The following TFPI variants were observed in gnomAD, a reference collection of about 807,000 sequenced individuals.
TFPI encodes the protein anti-convertin.
A neutral mutation model predicts 34.6 loss-of-function variants in TFPI; 15 were observed. That is an observed-to-expected ratio of 0.43 (90% CI 0.29 to 0.67). The LOEUF is 0.67. Among genes scored for constraint, TFPI ranks in the 30% least tolerant of loss-of-function variants. The pLI is 0.15. For missense variants in TFPI, 301 were observed against 364.0 expected (o/e 0.83, Z 1.41); for synonymous variants, 105 against 120.1 (o/e 0.87, Z 0.82).
intron 1 of TFPI, chr2:187,518,380 A>C (rs1168661778): frequency 6.6e-6 from 1 of 152,166 alleles, no homozygotes; most frequent in Non-Finnish European, 1.5e-5. Context: ...AAAATATTTT[A>C]TTTCTCTTTC....
At position 187,464,351 on chromosome 2, in the gene TFPI, G is replaced by A. The variant is rs925885229; in HGVS notation, c.*2585C>T. 1.3e-5 allele frequency: 2 copies of A among 152,170 alleles called. No individual in the cohort carries two copies. The highest frequency in any genetic ancestry group is 4.8e-5 in the African/African-American group (2 of 41,438). 9.4% of individuals were successfully genotyped at this position (152,170 alleles called of 1,614,324 possible). On this transcript the variant is annotated 3_prime_UTR_variant, in exon 8 of 8. Transcript: ENST00000233156. ...GAATGAACAAAGCAGGTAAATATAT[G>A]TATATGCTGAATAATGTAATTCCAT...
At position 187,466,744 on chromosome 2, in the gene TFPI, G is replaced by A. The variant is rs1353629737; in HGVS notation, c.*192C>T. On this transcript the variant is annotated 3_prime_UTR_variant, in exon 8 of 8. Transcript: ENST00000233156. Reference sequence around the variant, plus strand: ...CCCAGTAGCCAGTTAATAAATTACAGACCTAGAATAAGCAATTTAACAAGA... The same window carrying A: ...CCCAGTAGCCAGTTAATAAATTACAAACCTAGAATAAGCAATTTAACAAGA... 1 of 342,110 alleles carries A rather than the reference G, an allele frequency of 2.9e-6. No individual in the cohort carries two copies. Among genetic ancestry groups the A allele is most frequent in the East Asian group, 6.9e-5 (1 of 14,390 alleles). The allele number at this position is 342,110 out of a possible 1,614,324, so 21.2% of individuals were successfully genotyped here. A position where few individuals can be genotyped will look rare whatever the true frequency, so the allele number is the denominator to read the frequency against.
chr2:187,550,568 A>G (rs541203311), intron 1 of TFPI, among the ~76,000 whole-genome samples: 4 of 152,304 alleles, frequency 2.6e-5, no homozygotes, highest in African/African-American at 7.2e-5. Flanking sequence ...CATCAAAATT[A>G]CTAGGGATGC....
rs1693075418 is a variant in TFPI, at chr2:187,484,107, A to G, written c.628+17T>C. 6.2e-7 allele frequency: 1 copy of G among 1,607,632 alleles called. No individual in the cohort carries two copies. The highest frequency in any genetic ancestry group is 1.3e-5 in the African/African-American group (1 of 74,798). On this transcript the variant is annotated intron_variant, in intron 6 of 7. Transcript: ENST00000233156. Reference sequence around the variant, plus strand: ...ATAATAGTTTCCTGGAAGCAATAAAATCCACAAGATTCTTACCAAAAAGGC... The same window carrying G: ...ATAATAGTTTCCTGGAAGCAATAAAGTCCACAAGATTCTTACCAAAAAGGC...
chr2:187,482,224 CT>C (rs1415724468), intron 6 of TFPI, among the ~76,000 whole-genome samples: 1 of 152,030 alleles, frequency 6.6e-6, no homozygotes, highest in African/African-American at 2.4e-5. Context: ...ATGTTGCAAA[CT>C]GATTTCATAC....
intron 1 of TFPI, among the ~76,000 whole-genome samples, chr2:187,537,707 G>A (rs1688339166): frequency 6.6e-6 from 1 of 152,144 alleles, no homozygotes; most frequent in Non-Finnish European, 1.5e-5. Flanking sequence ...AACACCAAAA[G>A]CAATGGCAAC....
At chr2:187,545,079 C>G (rs1385198888) in intron 1 of TFPI, among the ~76,000 whole-genome samples, 1 of 151,950 alleles carries the variant, frequency 6.6e-6, no homozygotes, top group Non-Finnish European at 1.5e-5. Flanking sequence ...CCACTGCGCT[C>G]CAGCCTGGGT....
At chr2:187,545,275 G>A (rs115368954) in intron 1 of TFPI, among the ~76,000 whole-genome samples, 2,847 of 152,108 alleles carry the variant, frequency 0.019, 93 homozygotes, top group African/African-American at 0.065. Context: ...AAATCCCTTG[G>A]AGAGGAAATA....
At chr2:187,518,329 G>A (rs1687145085) in intron 1 of TFPI, 1 of 152,162 alleles carries the variant, frequency 6.6e-6, no homozygotes, top group Non-Finnish European at 1.5e-5. Context: ...TTTTAAGGCA[G>A]GCCTGGTGGT....
intron 2 of TFPI, among the ~76,000 whole-genome samples, chr2:187,498,401 C>T (rs1238226773): frequency 2.0e-5 from 3 of 151,626 alleles, no homozygotes; most frequent in African/African-American, 7.2e-5. Flanking sequence ...GAATTAATAG[C>T]AAGTATTAGT....
chr2:187,518,175 C>T (rs1217421015), intron 1 of TFPI: 1 of 152,232 alleles, frequency 6.6e-6, no homozygotes, highest in Non-Finnish European at 1.5e-5. Context: ...GAATTTGATC[C>T]TGTCATTATA....
chr2:187,540,890 CAAAA>C (rs56921212), intron 1 of TFPI, among the ~76,000 whole-genome samples: 4 of 84,758 alleles, frequency 4.7e-5, no homozygotes, highest in South Asian at 4.1e-4. Context: ...GACTCCATCT[CAAAA>C]AAAAAAAAAA....
intron 3 of TFPI, among the ~76,000 whole-genome samples, chr2:187,490,243 T>A (rs1201887523): frequency 6.6e-6 from 1 of 151,658 alleles, no homozygotes; most frequent in Non-Finnish European, 1.5e-5. Flanking sequence ...TAAATACCAA[T>A]TGTGTGAAGT....
At chr2:187,499,866 G>A (rs1413966331) in intron 2 of TFPI, among the ~76,000 whole-genome samples, 2 of 152,052 alleles carry the variant, frequency 1.3e-5, no homozygotes, top group African/African-American at 4.8e-5. Flanking sequence ...AAGTTATTGA[G>A]GTAGTGTTTC....
intron 2 of TFPI, chr2:187,499,727 C>T (rs952867464): frequency 1.2e-4 from 16 of 130,378 alleles, no homozygotes; most frequent in African/African-American, 3.5e-4. Context: ...CATAACAAAG[C>T]AGGAATAAAA....
At chr2:187,485,585 T>C (rs1693204409) in intron 4 of TFPI, among the ~76,000 whole-genome samples, 1 of 151,766 alleles carries the variant, frequency 6.6e-6, no homozygotes, top group Admixed American at 6.6e-5. Flanking sequence ...CTTCTTGTCA[T>C]TGGAATGACT....
intron 6 of TFPI, among the ~76,000 whole-genome samples, chr2:187,482,591 T>C (rs1002734066): frequency 7.2e-5 from 11 of 152,006 alleles, no homozygotes; most frequent in Non-Finnish European, 1.5e-5. Flanking sequence ...CCACTGAAAG[T>C]TTGCATCCCC....
intron 1 of TFPI, among the ~76,000 whole-genome samples, chr2:187,545,100 G>A (rs930231998): frequency 6.6e-6 from 1 of 152,068 alleles, no homozygotes; most frequent in Non-Finnish European, 1.5e-5. Context: ...GACAGAGGGA[G>A]ACCCTGTTTC....
At chr2:187,481,978 ATAAAC>A (rs1559104885) in intron 6 of TFPI, among the ~76,000 whole-genome samples, 4 of 152,060 alleles carry the variant, frequency 2.6e-5, no homozygotes, top group African/African-American at 7.2e-5. Context: ...CATCTACACA[ATAAAC>A]TAAAGAAGAC....
Sources: gnomAD v4.1 joint callset for allele counts (sites outside exome capture counted in the v4.1 genomes callset) on GRCh38, gnomAD v4.1.1 for gene constraint, MANE v1.5 for transcripts, NCBI Gene and HGNC (gene_info 2026-07-23, HGNC 2026-07-21) for gene names.